MCC: variants seen among roughly 807,000 people sequenced by gnomAD.
The protein encoded by MCC is colorectal mutant cancer protein.
MCC carries 90 observed loss-of-function variants against 116.2 expected under a neutral mutation model. The observed-to-expected ratio is 0.77, with a 90% CI of 0.65 to 0.92. MCC has a LOEUF of 0.92. Ranked by LOEUF, MCC falls within the 40% of genes least tolerant of loss-of-function variation. The pLI, the probability that MCC is intolerant of heterozygous loss-of-function variation, is 0.00. For synonymous variants in MCC, 578 were observed against 510.5 expected, an observed-to-expected ratio of 1.13 and a Z score of -1.78; for missense variants, 1,516 against 1,312.2, an observed-to-expected ratio of 1.16 and a Z score of -2.40.
At chr5:113,472,566 A>G (rs1252570555) in intron 1 of MCC, among the ~76,000 whole-genome samples, 1 of 152,220 alleles carries the variant, frequency 6.6e-6, no homozygotes, top group Admixed American at 6.5e-5. Flanking sequence ...ATAATAATTA[A>G]TATTCTTAAA....
At chr5:113,368,266 C>G (rs1363699728) in intron 2 of MCC, among the ~76,000 whole-genome samples, 2 of 152,142 alleles carry the variant, frequency 1.3e-5, no homozygotes, top group African/African-American at 2.4e-5. Flanking sequence ...TTTGAAGAAT[C>G]TTTTCTTTGT....
In MCC at chr5:113,022,345, A is replaced by C. The variant is rs1200420077; in HGVS notation, c.*4957T>G. 1 of 152,618 alleles carries C rather than the reference A, an allele frequency of 6.6e-6. No homozygotes were observed. The highest frequency in any genetic ancestry group is 6.5e-5 in the Admixed American group (1 of 15,282). 9.5% of individuals were successfully genotyped at this position (152,618 alleles called of 1,614,324 possible). On this transcript the variant is annotated 3_prime_UTR_variant, in exon 19 of 19. Coordinates refer to ENST00000408903, the MANE Select transcript of MCC (RefSeq NM_001085377.2). ...AATTTTAAAATGAGACTTTCAGTAC[A>C]AACAGTAGAACAATACTGACAAATG...
chr5:113,214,477 T>C (rs562162416), intron 3 of MCC, among the ~76,000 whole-genome samples: 70 of 152,314 alleles, frequency 4.6e-4, no homozygotes, highest in Non-Finnish European at 8.1e-4. Flanking sequence ...CTTGAGAATC[T>C]AAGAGATAAA....
chr5:113,205,188 C>A (rs548456210), intron 3 of MCC, among the ~76,000 whole-genome samples: 1 of 152,322 alleles, frequency 6.6e-6, no homozygotes, highest in Admixed American at 6.5e-5. Context: ...GAGGACCCAG[C>A]CTGCAGCTTT....
Position 113,053,825 on chromosome 5 carries a change from A to G in MCC, c.2348T>C (p.Ile783Thr), listed in dbSNP as rs1752640933. The change falls in exon 15 of 19, where the codon ATC (isoleucine) becomes ACC (threonine). Residue 783 changes from isoleucine (I) to threonine (T), a missense_variant. Ile to Thr is a moderately conservative substitution (Grantham distance 89). Coordinates refer to ENST00000408903, the MANE Select transcript of MCC (RefSeq NM_001085377.2). ...GTCATAGCTGAGAGGATCGATGTGG[A>G]TGCTTTCCAGCTCCAGCATGGTCAG... ...VKLTMLELES[I>T]HIDPLSYDVK... is the part of the protein sequence containing the mutation. 1 of 1,614,066 alleles carries G rather than the reference A, an allele frequency of 6.2e-7. No individual in the cohort carries two copies. The highest frequency in any genetic ancestry group is 8.5e-7 in the Non-Finnish European group (1 of 1,180,018).
chr5:113,294,924 A>G (rs1485866495), intron 3 of MCC: 2 of 985,326 alleles, frequency 2.0e-6, no homozygotes, highest in Non-Finnish European at 2.4e-6. Flanking sequence ...TCCCCTTCGA[A>G]TCGTCTGGAG....
At chr5:113,171,902 T>C (rs975125544) in intron 3 of MCC, among the ~76,000 whole-genome samples, 8 of 152,174 alleles carry the variant, frequency 5.3e-5, no homozygotes, top group Non-Finnish European at 1.2e-4. Context: ...CTCTCCCTTC[T>C]CACCCTCATG....
chr5:113,145,950 T>A (rs543721635), intron 4 of MCC, among the ~76,000 whole-genome samples: 2 of 152,226 alleles, frequency 1.3e-5, no homozygotes, highest in South Asian at 4.1e-4. Flanking sequence ...AGCCTGGTGA[T>A]TCAGTCAGAT....
chr5:113,401,394 A>G (rs1561552963), intron 1 of MCC, among the ~76,000 whole-genome samples: 1 of 152,224 alleles, frequency 6.6e-6, no homozygotes, highest in Non-Finnish European at 1.5e-5. Context: ...GCTACTCAAT[A>G]GAATAACCAA....
chr5:113,104,596 C>A, intron 6 of MCC: 1 of 373,318 alleles, frequency 2.7e-6, no homozygotes, highest in Non-Finnish European at 4.8e-6. Context: ...TCACTCAAAG[C>A]AGCCACATCT....
chr5:113,090,265 C>A (rs1317394488), intron 8 of MCC, among the ~76,000 whole-genome samples: 1 of 151,340 alleles, frequency 6.6e-6, no homozygotes, highest in Non-Finnish European at 1.5e-5. Flanking sequence ...AGATGCGAAA[C>A]AGGGACTCCC....
At chr5:113,306,635 T>C (rs868256017) in intron 3 of MCC, among the ~76,000 whole-genome samples, 6 of 152,210 alleles carry the variant, frequency 3.9e-5, no homozygotes, top group Admixed American at 6.5e-5. Context: ...TTAGCAGATA[T>C]AAATTTGCAA....
At chr5:113,226,201 C>G (rs1371258927) in intron 3 of MCC, among the ~76,000 whole-genome samples, 1 of 152,176 alleles carries the variant, frequency 6.6e-6, no homozygotes, top group African/African-American at 2.4e-5. Context: ...TCCCCCAACC[C>G]CAGAAAGCTA....
intron 14 of MCC, among the ~76,000 whole-genome samples, chr5:113,054,597 G>A (rs138284277): frequency 4.6e-5 from 7 of 152,336 alleles, no homozygotes; most frequent in African/African-American, 1.4e-4. Flanking sequence ...GTTTACTTCT[G>A]TTGTTTGCAA....
At chr5:113,435,276 G>A (rs148673834) in intron 1 of MCC, 14 of 172,126 alleles carry the variant, frequency 8.1e-5, no homozygotes, top group African/African-American at 2.8e-4. Flanking sequence ...GGCATCTGAG[G>A]AGGATTTAAT....
At chr5:113,354,810 A>G (rs1768370814) in intron 2 of MCC, among the ~76,000 whole-genome samples, 1 of 68,942 alleles carries the variant, frequency 1.5e-5, no homozygotes, top group Non-Finnish European at 3.2e-5. Context: ...TTATTATTCA[A>G]CATCCAGAAT....
chr5:113,294,058 T>A (rs1237188802), intron 3 of MCC, among the ~76,000 whole-genome samples: 1 of 152,142 alleles, frequency 6.6e-6, no homozygotes, highest in Non-Finnish European at 1.5e-5. Context: ...CAGACTGTCG[T>A]GAGTAAAACG....
intron 11 of MCC, among the ~76,000 whole-genome samples, chr5:113,078,416 C>A (rs1325943457): frequency 6.6e-6 from 1 of 152,196 alleles, no homozygotes; most frequent in Non-Finnish European, 1.5e-5. Flanking sequence ...CAATAAAATA[C>A]TGGCAAACCA....
At chr5:113,269,471 T>C (rs56104704) in intron 3 of MCC, among the ~76,000 whole-genome samples, 3,396 of 152,260 alleles carry the variant, frequency 0.022, 88 homozygotes, top group African/African-American at 0.062. Context: ...CCAAAACAAA[T>C]GATTAAATTG....
Sources: gnomAD v4.1 joint callset for allele counts (sites outside exome capture counted in the v4.1 genomes callset) on GRCh38, gnomAD v4.1.1 for gene constraint, MANE v1.5 for transcripts, NCBI Gene and HGNC (gene_info 2026-07-23, HGNC 2026-07-21) for gene names.